The following TMC3 variants were observed in gnomAD, a reference collection of about 807,000 sequenced individuals.
TMC3 encodes transmembrane channel like 3.
TMC3 carries 98 observed loss-of-function variants against 110.6 expected under a neutral mutation model. The ratio of observed to expected loss-of-function variants is 0.89; its 90% CI spans 0.75 to 1.05. The LOEUF (loss-of-function observed/expected upper bound fraction) is 1.05. Ranked by LOEUF, TMC3 falls within the 50% of genes least tolerant of loss-of-function variation. The probability of loss-of-function intolerance (pLI) is 0.00; values close to 1 mark genes in which losing one functional copy is unlikely to be tolerated. For synonymous variants in TMC3, 489 were observed against 513.1 expected (o/e 0.95, Z 0.63); for missense variants, 1,319 against 1,373.2 (o/e 0.96, Z 0.62).
intron 10 of TMC3, 53 bp downstream of exon 10, chr15:81,351,641 T>G (rs1567065596): frequency 1.3e-6 from 2 of 1,545,762 alleles, no homozygotes; most frequent in Non-Finnish European, 1.7e-6. Flanking sequence ...CATCAGCCAC[T>G]GTGCCCAGCT....
At position 81,341,535 on chromosome 15, in the gene TMC3, G is replaced by C; in HGVS notation, c.1716-17C>G. ...GCCCCCATCCTGGAACCATGAGGAA[G>C]GTCAGTTTGCATCTGTTCTCTTTCA... On this transcript the variant is annotated splice_polypyrimidine_tract_variant and intron_variant, in intron 15 of 21. Coordinates refer to ENST00000359440, the MANE Select transcript of TMC3 (RefSeq NM_001080532.3). 5 of 1,605,532 alleles carry C rather than the reference G, an allele frequency of 3.1e-6. No homozygotes were observed. The highest frequency in any genetic ancestry group is 4.3e-6 in the Non-Finnish European group (5 of 1,175,754).
intron 3 of TMC3, among the ~76,000 whole-genome samples, chr15:81,364,747 A>T (rs1294220452): frequency 1.3e-5 from 2 of 151,510 alleles, no homozygotes; most frequent in Non-Finnish European, 2.9e-5. Context: ...AAAAAATTTA[A>T]AAATCAATAT....
At chr15:81,341,559 C>G (rs1893717009) in intron 15 of TMC3, 41 bp from the exon 16 acceptor site, 2 of 1,587,422 alleles carry the variant, frequency 1.3e-6, no homozygotes, top group South Asian at 1.1e-5. Context: ...TGTTCTCTTT[C>G]AGCCTATCTC....
chr15:81,349,739 G>A (rs1031258882), intron 10 of TMC3, among the ~76,000 whole-genome samples, 172 bp from the exon 11 acceptor site: 4 of 150,692 alleles, frequency 2.7e-5, no homozygotes, highest in South Asian at 2.1e-4. Context: ...TTCAAAAGGC[G>A]GCCACCACTT....
At chr15:81,337,109 C>T (rs1313454194) in intron 19 of TMC3, among the ~76,000 whole-genome samples, 2 of 150,302 alleles carry the variant, frequency 1.3e-5, no homozygotes, top group Non-Finnish European at 3.0e-5. Flanking sequence ...AGTTTTTTTG[C>T]ATGGGTGAGG....
intron 16 of TMC3, among the ~76,000 whole-genome samples, chr15:81,339,916 G>A (rs375031391): frequency 3.9e-5 from 6 of 152,230 alleles, no homozygotes; most frequent in East Asian, 1.9e-4. Flanking sequence ...TGTCTCTTAC[G>A]TCTCGGGATG....
Position 81,368,287 on chromosome 15 carries a change from G to A in TMC3, c.278C>T (p.Thr93Ile). Residue 93 changes from threonine to isoleucine, a missense_variant, in exon 3 of 22, where the codon ACC (threonine) becomes ATC (isoleucine). Thr to Ile is a moderately conservative substitution (Grantham distance 89). Transcript: ENST00000359440. The stretch of plus-strand genomic sequence containing the variant: ...TGCTGCTTGGTAGCCTCGGGTCCTG[G>A]TCAGCCTCCCTTCAAACTTCAGCAC... ...NIVLKFEGRL[T>I]RTRGYQAAGA... is the part of the protein sequence containing the mutation. 1 of 1,613,670 alleles carries A rather than the reference G, an allele frequency of 6.2e-7. No homozygotes were observed. Among genetic ancestry groups the A allele is most frequent in the Non-Finnish European group, 8.5e-7 (1 of 1,179,736 alleles).
chr15:81,369,306 A>G (rs1314236437), intron 2 of TMC3, among the ~76,000 whole-genome samples: 1 of 151,936 alleles, frequency 6.6e-6, no homozygotes, highest in African/African-American at 2.4e-5. Context: ...ACGTTACCTA[A>G]CCAGAGTTCT....
At chr15:81,360,623 G>A (rs944166148) in intron 4 of TMC3, among the ~76,000 whole-genome samples, 1 of 152,152 alleles carries the variant, frequency 6.6e-6, no homozygotes. Flanking sequence ...GGAAGGTCGG[G>A]GGAAAGAGCC....
At chr15:81,362,567 C>T (rs1235523351) in intron 3 of TMC3, among the ~76,000 whole-genome samples, 2 of 152,102 alleles carry the variant, frequency 1.3e-5, no homozygotes, top group Non-Finnish European at 2.9e-5. Context: ...ACCACCCGAG[C>T]CGTGATGCCT....
chr15:81,358,616 G>T, intron 5 of TMC3, 116 bp from the exon 6 acceptor site: 1 of 770,750 alleles, frequency 1.3e-6, no homozygotes, highest in Non-Finnish European at 2.0e-6. Flanking sequence ...ATCTCCAGGG[G>T]GTGGATTTCT....
In TMC3 at chr15:81,332,965, C is replaced by T. The variant is rs773151774; in HGVS notation, c.2757G>A (p.Glu919=). Residue 919 remains glutamate (E), a synonymous_variant, in exon 22 of 22, where the codon GAG becomes GAA. Transcript: ENST00000359440. ...ATTGTCGCACGTTCCTGGGGTACAGCTCCACAATGTCACCTGAAGCATCTA... is the reference window on the plus strand; with the variant it reads ...ATTGTCGCACGTTCCTGGGGTACAGTTCCACAATGTCACCTGAAGCATCTA... ...FKIDASGDIV[E]LYPRNVRQYA... is the part of the protein sequence containing the mutation. The T allele has an allele frequency of 3.7e-6, 6 of 1,612,468 alleles. No homozygotes were observed. The African/African-American group carries it at 6.7e-5, about 18-fold the overall frequency.
chr15:81,336,736 T>A, intron 19 of TMC3, 85 bp from the exon 20 acceptor site: 1 of 1,362,916 alleles, frequency 7.3e-7, no homozygotes, highest in Non-Finnish European at 1.0e-6. Context: ...AGAAAAAGAT[T>A]TACATGCCAT....
In TMC3 at chr15:81,344,903, C is replaced by G; in HGVS notation, c.1381G>C (p.Gly461Arg). ...GCCCATGTGTTGTTTCTCCTGAGCC[C>G]CATTCCAGGCCGAGATGTGGACCAT... The part of the protein sequence containing the change: ...EKWSTSRPGM[G>R]LRRNNTWALE... Residue 461 changes from glycine (G) to arginine (R), a missense_variant, in exon 13 of 22, where the codon GGG (glycine) becomes CGG (arginine). Coordinates refer to ENST00000359440, the MANE Select transcript of TMC3 (RefSeq NM_001080532.3). 6.2e-7 allele frequency: 1 copy of G among 1,613,904 alleles called. No individual in the cohort carries two copies. The highest frequency in any genetic ancestry group is 1.1e-5 in the South Asian group (1 of 91,054).
intron 7 of TMC3, among the ~76,000 whole-genome samples, chr15:81,357,794 C>T (rs1457624132): frequency 6.6e-6 from 1 of 152,214 alleles, no homozygotes; most frequent in African/African-American, 2.4e-5. Flanking sequence ...CCTATTAGTG[C>T]AGCTACCACA....
rs772285819 is a variant in TMC3 at position 81,341,354 on chromosome 15, T to C, written c.1844+36A>G. 188 of 1,581,494 alleles carry C rather than the reference T, an allele frequency of 1.2e-4. 2 individuals carry two copies. The Admixed American group carries it at 3.3e-3, about 28-fold the overall frequency. ...GGCATGGATTATATATATGTATATA[T>C]AGTTATCTGCATGATCAGATCTTAT... On this transcript the variant is annotated intron_variant, in intron 16 of 21. Transcript: ENST00000359440.
intron 2 of TMC3, among the ~76,000 whole-genome samples, chr15:81,369,378 T>A (rs922808315): frequency 1.3e-5 from 2 of 152,108 alleles, no homozygotes; most frequent in Non-Finnish European, 2.9e-5. Flanking sequence ...AGCCAATGCA[T>A]TGACTTCATT....
Position 81,365,513 on chromosome 15 carries a change from A to G in TMC3, c.312+2740T>C, listed in dbSNP as rs367688931. Among the ~76,000 whole-genome samples the G allele has an allele frequency of 2.0e-3, 299 of 152,216 alleles. 2 individuals are homozygous for G. Among genetic ancestry groups the G allele is most frequent in the African/African-American group, 6.3e-3 (262 of 41,534 alleles). On this transcript the variant is annotated intron_variant, in intron 3 of 21. Transcript: ENST00000359440. ...TGGTGAAACCCCATCTCTACTAAAA[A>G]TACAAAAATTAGCCAGGCGTGGTGG... is the stretch of plus-strand genomic sequence containing the variant.
intron 10 of TMC3, 109 bp from the exon 11 acceptor site, chr15:81,349,676 G>C: frequency 3.5e-6 from 2 of 569,880 alleles, no homozygotes; most frequent in Non-Finnish European, 5.5e-6. Flanking sequence ...CTTTCCACAG[G>C]GTCCTTGGAT....
Sources: gnomAD v4.1 joint callset for allele counts (sites outside exome capture counted in the v4.1 genomes callset) on GRCh38, gnomAD v4.1.1 for gene constraint, MANE v1.5 for transcripts, NCBI Gene and HGNC (gene_info 2026-07-23, HGNC 2026-07-21) for gene names.